PUM3: variants seen among roughly 807,000 people sequenced by gnomAD.
PUM3 encodes the protein pumilio RNA binding family member 3.
A neutral mutation model predicts 84.0 loss-of-function variants in PUM3; 91 were observed. That is an observed-to-expected ratio of 1.08 (90% CI 0.91 to 1.29). The LOEUF is 1.29. Ranked by LOEUF, PUM3 falls within the 50% of genes most tolerant of loss-of-function variation. The probability of loss-of-function intolerance (pLI) is 0.00; values close to 1 mark genes in which losing one functional copy is unlikely to be tolerated. For missense variants in PUM3, 1,067 were observed against 767.5 expected, an observed-to-expected ratio of 1.39 and a Z score of -4.61; for synonymous variants, 321 against 266.7, an observed-to-expected ratio of 1.20 and a Z score of -1.98.
At chr9:2,833,263 A>C in intron 5 of PUM3, 94 bp downstream of exon 5, 1 of 581,708 alleles carries the variant, frequency 1.7e-6, no homozygotes, top group African/African-American at 1.9e-5. Flanking sequence ...ACCGGAAACA[A>C]TGATAAGATC....
intron 1 of PUM3, among the ~76,000 whole-genome samples, chr9:2,843,143 C>T (rs929395259): frequency 6.6e-6 from 1 of 152,080 alleles, no homozygotes; most frequent in East Asian, 1.9e-4. Flanking sequence ...GTAATAGGAA[C>T]GGAAATGTTT....
chr9:2,820,536 TACAC>T (rs201509056), intron 12 of PUM3, among the ~76,000 whole-genome samples: 2 of 151,232 alleles, frequency 1.3e-5, no homozygotes, highest in East Asian at 3.9e-4. Context: ...TTTACACACA[TACAC>T]ACACACACAC....
At chr9:2,831,725 G>A (rs1815986894) in intron 5 of PUM3, among the ~76,000 whole-genome samples, 1 of 152,136 alleles carries the variant, frequency 6.6e-6, no homozygotes, top group African/African-American at 2.4e-5. Flanking sequence ...GTTACTGTAT[G>A]ATTTTTATAT....
chr9:2,838,295 C>A (rs76829164), intron 2 of PUM3, 131 bp downstream of exon 2: 1 of 682,340 alleles, frequency 1.5e-6, no homozygotes, highest in Non-Finnish European at 2.6e-6. Context: ...TTAACTCATA[C>A]ACAATAACAC....
At chr9:2,838,316 C>A (rs1227062985) in intron 2 of PUM3, 110 bp downstream of exon 2, 7 of 760,124 alleles carry the variant, frequency 9.2e-6, no homozygotes, top group Non-Finnish European at 1.6e-5. Context: ...ATACTTCTTC[C>A]TACTATTTTA....
intron 1 of PUM3, among the ~76,000 whole-genome samples, chr9:2,840,939 G>A (rs547588798): frequency 3.3e-4 from 50 of 152,290 alleles, no homozygotes; most frequent in Admixed American, 9.8e-4. Context: ...TGTCCTTTCG[G>A]CAGACAGATT....
At position 2,807,871 on chromosome 9, in the gene PUM3, C is replaced by G. The variant is rs756059507; in HGVS notation, c.1757G>C (p.Gly586Ala). 2 of 1,613,444 alleles carry G rather than the reference C, an allele frequency of 1.2e-6. No homozygotes were observed. Among genetic ancestry groups the G allele is most frequent in the South Asian group, 2.2e-5 (2 of 91,082 alleles). Residue 586 changes from glycine to alanine, a missense_variant, in exon 17 of 18, where the codon GGT becomes GCT. Gly to Ala is a moderately conservative substitution (Grantham distance 60). Transcript: ENST00000397885. ...AGCCCAGGACTTCAGGTTCTTCATA[C>G]CAACATGCTCTACAAGTGTTTTTGC... ...CFAKTLVEHV[G>A]MKNLKSWASV...
At chr9:2,836,120 C>T (rs549575655) in intron 3 of PUM3, among the ~76,000 whole-genome samples, 2 of 152,198 alleles carry the variant, frequency 1.3e-5, no homozygotes, top group Non-Finnish European at 2.9e-5. Context: ...TAATGGGAAA[C>T]GATGGCATTT....
chr9:2,819,367 A>G (rs943851511), intron 13 of PUM3, among the ~76,000 whole-genome samples: 2 of 152,252 alleles, frequency 1.3e-5, no homozygotes, highest in Non-Finnish European at 2.9e-5. Context: ...AATACACTAC[A>G]TTCAAGTATT....
chr9:2,809,832 G>T (rs943769854), intron 16 of PUM3, among the ~76,000 whole-genome samples: 1 of 152,172 alleles, frequency 6.6e-6, no homozygotes, highest in African/African-American at 2.4e-5. Flanking sequence ...AAGCGCCAAA[G>T]ACTGGCTTAC....
chr9:2,825,687 G>C (rs1330520429), intron 10 of PUM3, among the ~76,000 whole-genome samples: 2 of 151,954 alleles, frequency 1.3e-5, no homozygotes, highest in Non-Finnish European at 2.9e-5. Flanking sequence ...TCACCATATT[G>C]GCCAGGCTGG....
At chr9:2,843,326 A>G (rs73639500) in intron 1 of PUM3, among the ~76,000 whole-genome samples, 7,707 of 151,966 alleles carry the variant, frequency 0.051, 674 homozygotes, top group African/African-American at 0.18. Flanking sequence ...TGAGCTTCCA[A>G]ATCTCCGTTT....
chr9:2,831,881 T>G (rs1357228948), intron 5 of PUM3, among the ~76,000 whole-genome samples: 1 of 152,208 alleles, frequency 6.6e-6, no homozygotes, highest in Non-Finnish European at 1.5e-5. Flanking sequence ...CACATTTTCA[T>G]TATAATTCCT....
At chr9:2,821,614 A>G (rs1815636288) in intron 12 of PUM3, among the ~76,000 whole-genome samples, 1 of 152,108 alleles carries the variant, frequency 6.6e-6, no homozygotes, top group South Asian at 2.1e-4. Flanking sequence ...CAATAGACTA[A>G]TTTATCAAAG....
intron 12 of PUM3, among the ~76,000 whole-genome samples, chr9:2,822,798 A>G (rs1815696642): frequency 6.7e-6 from 1 of 149,542 alleles, no homozygotes; most frequent in African/African-American, 2.4e-5. Flanking sequence ...TGAAATATAT[A>G]TGAATATTGA....
Position 2,833,916 on chromosome 9 carries a change from C to A in PUM3, c.440+115G>T. 8 of 1,084,676 alleles carry A rather than the reference C, an allele frequency of 7.4e-6. No individual in the cohort carries two copies. In the South Asian group the frequency reaches 1.3e-4, roughly 18 times the overall value. 67.2% of individuals were successfully genotyped at this position (1,084,676 alleles called of 1,614,324 possible). On this transcript the variant is annotated intron_variant, in intron 4 of 17. Transcript: ENST00000397885. ...CTCTAATGGGGTGTCATGAGGACCC[C>A]CTCAATAACCCAAGTGCTATGTCAT...
intron 1 of PUM3, 47 bp from the exon 2 acceptor site, chr9:2,838,564 C>T: frequency 8.6e-7 from 1 of 1,157,304 alleles, no homozygotes; most frequent in East Asian, 2.3e-5. Flanking sequence ...CAGTTCTCTT[C>T]ATCAAATAAG....
intron 7 of PUM3, 130 bp from the exon 8 acceptor site, chr9:2,830,078 G>A (rs1815935045): frequency 1.5e-6 from 1 of 685,714 alleles, no homozygotes; most frequent in African/African-American, 1.8e-5. Flanking sequence ...GAGCTAGCAT[G>A]CATTGAGAAG....
chr9:2,811,351 G>C lies in PUM3; in HGVS notation c.1635+10C>G. ...GCAGCTTTCCTGCCTGTGCTTTAAT[G>C]GCACATTACCTCTCCGTCCTTGCCA... On this transcript the variant is annotated intron_variant, in intron 15 of 17. Transcript: ENST00000397885. 1 of 1,612,052 alleles carries C rather than the reference G, an allele frequency of 6.2e-7. No homozygotes were observed. The highest frequency in any genetic ancestry group is 8.5e-7 in the Non-Finnish European group (1 of 1,178,764).
Sources: allele counts gnomAD v4.1 joint callset (sites outside exome capture counted in the v4.1 genomes callset), GRCh38; gene constraint gnomAD v4.1.1; transcripts MANE v1.5; gene names NCBI Gene and HGNC (gene_info 2026-07-23, HGNC 2026-07-21).